NCAM1: variants seen among roughly 807,000 people sequenced by gnomAD.
NCAM1 encodes neural cell adhesion molecule 1, also known as antigen recognized by monoclonal antibody 5.1H11.
A neutral mutation model predicts 109.8 loss-of-function variants in NCAM1; 14 were observed. That is an observed-to-expected ratio of 0.13 (90% CI 0.08 to 0.20). The LOEUF (loss-of-function observed/expected upper bound fraction) is 0.20. Among genes scored for constraint, NCAM1 ranks in the 10% least tolerant of loss-of-function variants. The pLI is 1.00. For missense variants in NCAM1, 774 were observed against 1,109.9 expected (o/e 0.70, Z 4.30); for synonymous variants, 418 against 442.9 (o/e 0.94, Z 0.70).
intron 1 of NCAM1, among the ~76,000 whole-genome samples, chr11:113,167,331 G>A (rs4937996): frequency 0.064 from 9,725 of 152,086 alleles, 636 homozygotes; most frequent in African/African-American, 0.16. Flanking sequence ...TTTACGAGCA[G>A]TGTTATAGAG....
At chr11:113,116,360 G>A (rs1484620625) in intron 1 of NCAM1, among the ~76,000 whole-genome samples, 9 of 152,160 alleles carry the variant, frequency 5.9e-5, no homozygotes. Flanking sequence ...AAGGGTGGTG[G>A]ACTGGTAGTG....
chr11:113,182,803 A>G (rs144495306), intron 1 of NCAM1, among the ~76,000 whole-genome samples: 1 of 152,270 alleles, frequency 6.6e-6, no homozygotes, highest in African/African-American at 2.4e-5. Flanking sequence ...CCTCCCAGAT[A>G]TTCCAGGACC....
intron 1 of NCAM1, among the ~76,000 whole-genome samples, chr11:113,013,417 A>T (rs1303939156): frequency 1.6e-5 from 2 of 122,592 alleles, no homozygotes; most frequent in East Asian, 4.6e-4. Flanking sequence ...ACACAGCAAG[A>T]CTCTGTCTCA....
At chr11:113,161,765 C>T (rs1942607971) in intron 1 of NCAM1, among the ~76,000 whole-genome samples, 1 of 152,110 alleles carries the variant, frequency 6.6e-6, no homozygotes, top group Non-Finnish European at 1.5e-5. Context: ...TCAGCAGAAC[C>T]TGGAGTGTGT....
chr11:113,097,704 T>A (rs948325059), intron 1 of NCAM1, among the ~76,000 whole-genome samples: 2 of 152,018 alleles, frequency 1.3e-5, no homozygotes, highest in African/African-American at 2.4e-5. Flanking sequence ...AAATGGTTCC[T>A]TAAAGGACAA....
At chr11:113,196,486 C>T (rs1341907575) in intron 1 of NCAM1, among the ~76,000 whole-genome samples, 6 of 152,024 alleles carry the variant, frequency 3.9e-5, no homozygotes, top group African/African-American at 7.3e-5. Context: ...AAATAGTAAC[C>T]GAAATAATTT....
At chr11:113,027,280 AT>A (rs1471163547) in intron 1 of NCAM1, among the ~76,000 whole-genome samples, 6 of 152,276 alleles carry the variant, frequency 3.9e-5, no homozygotes, top group African/African-American at 1.2e-4. Context: ...AGTATATAAA[AT>A]ATGTTGATGT....
chr11:113,115,421 G>A (rs2135986329), intron 1 of NCAM1, among the ~76,000 whole-genome samples: 1 of 152,268 alleles, frequency 6.6e-6, no homozygotes, highest in South Asian at 2.1e-4. Flanking sequence ...CTGTGCTAAG[G>A]AAGTGAAATT....
chr11:113,193,255 G>A (rs1943742494), intron 1 of NCAM1, among the ~76,000 whole-genome samples: 2 of 152,196 alleles, frequency 1.3e-5, no homozygotes, highest in Admixed American at 1.3e-4. Context: ...TCCTGGCTAT[G>A]TGCTTGATCC....
intron 16 of NCAM1, among the ~76,000 whole-genome samples, chr11:113,256,584 A>T (rs1415992683): frequency 6.6e-6 from 1 of 152,288 alleles, no homozygotes; most frequent in East Asian, 1.9e-4. Context: ...TAAGGTCCTC[A>T]AACAATGCCA....
intron 1 of NCAM1, among the ~76,000 whole-genome samples, chr11:113,087,061 C>A (rs56331084): frequency 0.2 from 29,966 of 152,090 alleles, 3,232 homozygotes; most frequent in East Asian, 0.47. Flanking sequence ...GCTTTAGAAT[C>A]AATTTTTCTA....
intron 1 of NCAM1, among the ~76,000 whole-genome samples, chr11:113,145,622 A>G (rs1216652393): frequency 6.6e-6 from 1 of 152,186 alleles, no homozygotes; most frequent in Admixed American, 6.5e-5. Context: ...TCATTGCTAT[A>G]CAATTAGAAA....
chr11:113,089,643 C>T (rs1261692878), intron 1 of NCAM1, among the ~76,000 whole-genome samples: 1 of 152,028 alleles, frequency 6.6e-6, no homozygotes, highest in Non-Finnish European at 1.5e-5. Flanking sequence ...GAATATAATT[C>T]AGCAGGATGC....
chr11:113,115,345 A>C (rs1429875184), intron 1 of NCAM1, among the ~76,000 whole-genome samples: 1 of 152,218 alleles, frequency 6.6e-6, no homozygotes, highest in Admixed American at 6.5e-5. Context: ...TTGCCTCCAC[A>C]TTCCTGGTAA....
intron 16 of NCAM1, among the ~76,000 whole-genome samples, chr11:113,258,165 A>G (rs1434426981): frequency 1.3e-5 from 2 of 152,248 alleles, no homozygotes; most frequent in Non-Finnish European, 2.9e-5. Context: ...ACATCTATCA[A>G]GACTTCTTGT....
intron 1 of NCAM1, among the ~76,000 whole-genome samples, chr11:113,001,561 A>G (rs1951755920): frequency 6.6e-6 from 1 of 152,168 alleles, no homozygotes; most frequent in South Asian, 2.1e-4. Context: ...CAAAGTCTGG[A>G]ACTTGGGTGT....
At chr11:113,047,149 G>A (rs2135372452) in intron 1 of NCAM1, among the ~76,000 whole-genome samples, 1 of 152,284 alleles carries the variant, frequency 6.6e-6, no homozygotes, top group African/African-American at 2.4e-5. Context: ...TAATACAGGA[G>A]CTAACTTTTT....
At chr11:113,169,024 C>T (rs1340360229) in intron 1 of NCAM1, among the ~76,000 whole-genome samples, 2 of 145,400 alleles carry the variant, frequency 1.4e-5, no homozygotes, top group South Asian at 2.3e-4. Flanking sequence ...AAGATCCTCT[C>T]TCTTCCTCTT....
chr11:113,064,272 GA>G (rs1937834806), intron 1 of NCAM1, among the ~76,000 whole-genome samples: 1 of 152,304 alleles, frequency 6.6e-6, no homozygotes, highest in East Asian at 1.9e-4. Context: ...AATGGGTCAT[GA>G]GACTGTGTGT....
Sources: gnomAD v4.1 joint callset for allele counts (sites outside exome capture counted in the v4.1 genomes callset) on GRCh38, gnomAD v4.1.1 for gene constraint, MANE v1.5 for transcripts, NCBI Gene and HGNC (gene_info 2026-07-23, HGNC 2026-07-21) for gene names.